TCF4: variants seen among roughly 807,000 people sequenced by gnomAD.
The protein encoded by TCF4 is SL3-3 enhancer factor 2.
TCF4 carries 3 observed loss-of-function variants against 82.1 expected under a neutral mutation model. The observed-to-expected ratio is 0.04, with a 90% CI of 0.02 to 0.09. TCF4 has a LOEUF of 0.09. TCF4 is among the 10% of genes least tolerant of loss of function. TCF4 has a pLI of 1.00. For missense variants in TCF4, 518 were observed against 852.7 expected (o/e 0.61, Z 4.89); for synonymous variants, 276 against 309.6 (o/e 0.89, Z 1.14).
At chr18:55,434,030 G>A (rs1035213968) in intron 5 of TCF4, among the ~76,000 whole-genome samples, 2 of 152,224 alleles carry the variant, frequency 1.3e-5, no homozygotes, top group South Asian at 4.1e-4. Flanking sequence ...AAGATTGCCA[G>A]AGTAAAACAA....
chr18:55,544,120 A>G lies in TCF4; in HGVS notation c.145+41160T>C, dbSNP rs17089889. Among the ~76,000 whole-genome samples the G allele has an allele frequency of 5.6e-3, 848 of 152,332 alleles. 12 individuals are homozygous for G. The highest frequency in any genetic ancestry group is 0.02 in the African/African-American group (816 of 41,574). ...GATTGCTTTACAGTAATTCTGTTGA[A>G]TATTACAAGAGTGCTGACGACATGT... On this transcript the variant is annotated intron_variant, in intron 3 of 19. Transcript: ENST00000354452.
intron 8 of TCF4, among the ~76,000 whole-genome samples, chr18:55,338,276 A>T (rs1231886363): frequency 6.6e-6 from 1 of 152,132 alleles, no homozygotes; most frequent in African/African-American, 2.4e-5. Context: ...ATGTCCTCAA[A>T]CTATGTGCCC....
chr18:55,584,645 T>G (rs1490351419), intron 3 of TCF4, among the ~76,000 whole-genome samples: 1 of 152,008 alleles, frequency 6.6e-6, no homozygotes, highest in African/African-American at 2.4e-5. Flanking sequence ...CTTTCATTTA[T>G]AAAACGTAAA....
chr18:55,585,636 G>T, intron 2 of TCF4: 2 of 584,266 alleles, frequency 3.4e-6, no homozygotes, highest in South Asian at 3.4e-5. Context: ...ATGTTATCAA[G>T]ATTCAGGTTG....
intron 6 of TCF4, among the ~76,000 whole-genome samples, chr18:55,366,023 TAGA>T: frequency 8.0e-6 from 1 of 124,548 alleles, no homozygotes; most frequent in African/African-American, 3.3e-5. Flanking sequence ...GATATAGATA[TAGA>T]TATATAAGAC....
intron 3 of TCF4, among the ~76,000 whole-genome samples, chr18:55,487,624 ATAAG>A (rs1480118026): frequency 5.3e-5 from 8 of 152,250 alleles, no homozygotes; most frequent in Non-Finnish European, 1.0e-4. Flanking sequence ...ATACAATATA[ATAAG>A]TAAGAAAGTA....
intron 3 of TCF4, among the ~76,000 whole-genome samples, chr18:55,510,230 A>T (rs2096811131): frequency 6.6e-6 from 1 of 152,166 alleles, no homozygotes; most frequent in Non-Finnish European, 1.5e-5. Context: ...TCTGCCCCTT[A>T]GACTGACTGA....
rs2097720517 is a variant in TCF4 at position 55,621,790 on chromosome 18, ATATAT to A, written c.286+9503_286+9507del. ...TATAATATATAATATAATATATATT[ATATAT>A]TATATGTTATATTATATATTATATT... On this transcript the variant is annotated intron_variant, in intron 2 of 20. Coordinates refer to the TCF4 transcript ENST00000398339. Among the ~76,000 whole-genome samples the A allele has an allele frequency of 3.3e-5, 3 of 90,212 alleles. No individual in the cohort carries two copies. The South Asian group carries it at 1.2e-3, about 35-fold the overall frequency. The allele number at this position is 90,212 out of a possible 152,430, so 59.2% of individuals were successfully genotyped here. A position where few individuals can be genotyped will look rare whatever the true frequency, so the allele number is the denominator to read the frequency against.
At chr18:55,321,951 A>G in intron 8 of TCF4, 1 of 1,361,632 alleles carries the variant, frequency 7.3e-7, no homozygotes. Context: ...CGGAGCTGGA[A>G]GGCAGCCCGG....
chr18:55,499,774 G>A (rs759359895), intron 3 of TCF4, among the ~76,000 whole-genome samples: 43 of 152,212 alleles, frequency 2.8e-4, no homozygotes, highest in Admixed American at 6.5e-4. Flanking sequence ...TTCCAAGCCC[G>A]GCTGGCTATC....
At chr18:55,403,344 G>C in intron 6 of TCF4, 110 bp downstream of exon 6, 1 of 1,220,096 alleles carries the variant, frequency 8.2e-7, no homozygotes, top group Non-Finnish European at 1.2e-6. Context: ...CATCTGACTT[G>C]CCGGTGCATC....
chr18:55,334,843 C>T (rs1459905061), intron 8 of TCF4, among the ~76,000 whole-genome samples: 1 of 152,154 alleles, frequency 6.6e-6, no homozygotes, highest in Non-Finnish European at 1.5e-5. Context: ...TTTCTAATGT[C>T]AAAGATACCC....
intron 11 of TCF4, chr18:55,267,470 G>A (rs1456593617): frequency 6.6e-6 from 1 of 152,012 alleles, no homozygotes; most frequent in Non-Finnish European, 1.5e-5. Context: ...AAGCCTAAGA[G>A]AACTTAAGTG....
chr18:55,329,167 G>T (rs535681492), intron 8 of TCF4, among the ~76,000 whole-genome samples: 1 of 152,192 alleles, frequency 6.6e-6, no homozygotes, highest in African/African-American at 2.4e-5. Context: ...TTTCAAGTTC[G>T]TGTTTAGCAG....
chr18:55,471,302 G>A lies in TCF4; in HGVS notation c.146-7165C>T, dbSNP rs989710840. Reference sequence around the variant, plus strand: ...GACATAAGAAATGGTGCTTCAGAATGAGTGATCTGGGCACTAACAAGAAAC... The same window carrying A: ...GACATAAGAAATGGTGCTTCAGAATAAGTGATCTGGGCACTAACAAGAAAC... On this transcript the variant is annotated intron_variant, in intron 3 of 19. Coordinates refer to ENST00000354452, the MANE Select transcript of TCF4 (RefSeq NM_001083962.2). 2.6e-5 allele frequency among the ~76,000 whole-genome samples: 4 copies of A among 152,142 alleles called. No homozygotes were observed. In the South Asian group the frequency reaches 8.3e-4, roughly 32 times the overall value.
chr18:55,510,726 C>T, intron 3 of TCF4: 1 of 1,404,158 alleles, frequency 7.1e-7, no homozygotes, highest in South Asian at 1.6e-5. Flanking sequence ...AGGGGCCTTC[C>T]TTGTTACTCT....
At chr18:55,387,387 C>A (rs961833945) in intron 6 of TCF4, among the ~76,000 whole-genome samples, 2 of 152,248 alleles carry the variant, frequency 1.3e-5, no homozygotes, top group Non-Finnish European at 2.9e-5. Context: ...GGACGACTGA[C>A]ACCCTACCTT....
At chr18:55,252,808 G>C (rs1354367709) in intron 15 of TCF4, among the ~76,000 whole-genome samples, 3 of 151,968 alleles carry the variant, frequency 2.0e-5, no homozygotes, top group African/African-American at 7.3e-5. Flanking sequence ...TCACAGATCT[G>C]GCTTTTAATA....
chr18:55,469,136 A>T (rs1351873962), intron 3 of TCF4, among the ~76,000 whole-genome samples: 1 of 152,128 alleles, frequency 6.6e-6, no homozygotes, highest in African/African-American at 2.4e-5. Flanking sequence ...TTTTCATCTT[A>T]TTTGATTCAT....
Sources: allele counts gnomAD v4.1 joint callset (sites outside exome capture counted in the v4.1 genomes callset), GRCh38; gene constraint gnomAD v4.1.1; transcripts MANE v1.5; gene names NCBI Gene and HGNC (gene_info 2026-07-23, HGNC 2026-07-21).